Variants in VPS45 observed in about 807,000 individuals in gnomAD.
The protein encoded by VPS45 is vacuolar protein sorting 45 homolog, also known as vacuolar protein sorting-associated protein 45.
Under a neutral mutation model 75.9 loss-of-function variants are expected in VPS45, and 35 were observed. That is an observed-to-expected ratio of 0.46 (90% CI 0.35 to 0.61). VPS45 has a LOEUF of 0.61. Among genes scored for constraint, VPS45 ranks in the 20% least tolerant of loss-of-function variants. The pLI, the probability that VPS45 is intolerant of heterozygous loss-of-function variation, is 0.00. For missense variants in VPS45, 559 were observed against 685.9 expected, an observed-to-expected ratio of 0.81 and a Z score of 2.07; for synonymous variants, 220 against 238.2, an observed-to-expected ratio of 0.92 and a Z score of 0.70.
At chr1:150,140,492 CATT>C (rs1384271517) in intron 14 of VPS45, among the ~76,000 whole-genome samples, 1 of 148,844 alleles carries the variant, frequency 6.7e-6, no homozygotes, top group Non-Finnish European at 1.5e-5. Flanking sequence ...ATGTGTACAC[CATT>C]ATTATTGTAT....
intron 13 of VPS45, among the ~76,000 whole-genome samples, chr1:150,102,213 G>A (rs1657068377): frequency 1.4e-5 from 2 of 147,104 alleles, no homozygotes; most frequent in Non-Finnish European, 3.0e-5. Flanking sequence ...ACTCCAGCCT[G>A]GGCGACAGAG....
intron 13 of VPS45, among the ~76,000 whole-genome samples, chr1:150,095,349 C>A (rs935222000): frequency 6.6e-6 from 1 of 152,148 alleles, no homozygotes; most frequent in Non-Finnish European, 1.5e-5. Context: ...CACGGTGGCT[C>A]ACGCCTGTAA....
At chr1:150,087,828 G>T (rs781882086) in intron 10 of VPS45, among the ~76,000 whole-genome samples, 1 of 152,082 alleles carries the variant, frequency 6.6e-6, no homozygotes, top group East Asian at 1.9e-4. Flanking sequence ...ATAATTACTC[G>T]CAGTAAGCCT....
At chr1:150,118,926 A>G (rs782050146) in intron 14 of VPS45, among the ~76,000 whole-genome samples, 1 of 152,238 alleles carries the variant, frequency 6.6e-6, no homozygotes, top group Non-Finnish European at 1.5e-5. Flanking sequence ...AAACTTTTGC[A>G]AAGAGGGAGT....
At chr1:150,131,035 T>C (rs2101647715) in intron 14 of VPS45, among the ~76,000 whole-genome samples, 1 of 152,310 alleles carries the variant, frequency 6.6e-6, no homozygotes, top group South Asian at 2.1e-4. Flanking sequence ...CTGGATTCCA[T>C]GCACTGCTGG....
chr1:150,110,829 C>G (rs587715323), intron 14 of VPS45, among the ~76,000 whole-genome samples: 58 of 152,252 alleles, frequency 3.8e-4, no homozygotes, highest in Non-Finnish European at 7.5e-4. Flanking sequence ...TCATAAATCT[C>G]TTTATTAGGT....
chr1:150,106,053 A>G (rs1474376157), intron 13 of VPS45, among the ~76,000 whole-genome samples: 1 of 152,226 alleles, frequency 6.6e-6, no homozygotes, highest in Non-Finnish European at 1.5e-5. Flanking sequence ...GGCCAGCCAT[A>G]TGCAGAAAAA....
chr1:150,076,063 A>AATATATATATATATATAT (rs71825614), intron 3 of VPS45, among the ~76,000 whole-genome samples, 170 bp from the exon 4 acceptor site: 10 of 140,056 alleles, frequency 7.1e-5, no homozygotes, highest in African/African-American at 2.6e-4. Flanking sequence ...GTCCTTTTAA[A>AATATATATATATATATAT]ATATATATAT....
chr1:150,092,553 C>A, intron 12 of VPS45, 144 bp downstream of exon 12: 1 of 624,764 alleles, frequency 1.6e-6, no homozygotes, highest in Non-Finnish European at 2.5e-6. Flanking sequence ...AAACTGGCAT[C>A]CTCTTGAAAG....
chr1:150,090,017 G>A (rs1379310678), intron 10 of VPS45, among the ~76,000 whole-genome samples: 2 of 152,180 alleles, frequency 1.3e-5, no homozygotes, highest in Admixed American at 1.3e-4. Flanking sequence ...ATAGTCCCTA[G>A]TCAGTGTGAA....
rs78510502 is a variant in VPS45 at position 150,138,132 on chromosome 1, G to T, written c.1626-6577G>T. 6.7e-3 allele frequency among the ~76,000 whole-genome samples: 1,024 copies of T among 151,962 alleles called. 18 individuals are homozygous for T. The highest frequency in any genetic ancestry group is 0.024 in the African/African-American group (974 of 41,414). ...TATTCTCCTCAACTACTGCATTCAG[G>T]CCTTCACTCCCATCACTCTAAAATC... On this transcript the variant is annotated intron_variant, in intron 14 of 14. Transcript: ENST00000644510.
intron 10 of VPS45, among the ~76,000 whole-genome samples, chr1:150,083,763 G>A (rs1655856388): frequency 6.6e-6 from 1 of 151,136 alleles, no homozygotes; most frequent in Non-Finnish European, 1.5e-5. Context: ...GCTAGTCCAG[G>A]GTACAAGATG....
At chr1:150,107,320 T>C (rs781925964) in intron 13 of VPS45, among the ~76,000 whole-genome samples, 1 of 152,182 alleles carries the variant, frequency 6.6e-6, no homozygotes, top group Non-Finnish European at 1.5e-5. Context: ...ATGTCCTTTT[T>C]CTCAAACCTA....
At chr1:150,120,928 C>T (rs1463528370) in intron 14 of VPS45, among the ~76,000 whole-genome samples, 3 of 142,424 alleles carry the variant, frequency 2.1e-5, no homozygotes, top group African/African-American at 7.8e-5. Context: ...AGTGCAGTGG[C>T]GCGATCTCGG....
chr1:150,088,405 A>G (rs1221394030), intron 10 of VPS45, among the ~76,000 whole-genome samples: 1 of 136,806 alleles, frequency 7.3e-6, no homozygotes, highest in East Asian at 2.3e-4. Flanking sequence ...AAATGACAGG[A>G]TTTTGTTCTA....
At chr1:150,106,939 C>T (rs1449517276) in intron 13 of VPS45, among the ~76,000 whole-genome samples, 1 of 152,108 alleles carries the variant, frequency 6.6e-6, no homozygotes, top group Non-Finnish European at 1.5e-5. Flanking sequence ...CTCTCAATTC[C>T]CACCTTATTT....
chr1:150,092,205 C>T (rs1231994436), intron 11 of VPS45, 97 bp from the exon 12 acceptor site: 2 of 1,523,294 alleles, frequency 1.3e-6, no homozygotes, highest in Non-Finnish European at 1.8e-6. Context: ...ATGTATAATT[C>T]TGTCTTTTCA....
rs1659594156 is a variant in VPS45 at position 150,144,855 on chromosome 1, A to G, written c.*59A>G. On this transcript the variant is annotated 3_prime_UTR_variant, in exon 15 of 15. Coordinates refer to ENST00000644510, the MANE Select transcript of VPS45 (RefSeq NM_007259.5). ...CTTGTCCCCACTACAGGTTTTCCCT[A>G]CTAAACAAAGGTGTTGGAGAGCAGC... is the stretch of plus-strand genomic sequence containing the variant. 6.2e-7 allele frequency: 1 copy of G among 1,610,848 alleles called. No individual in the cohort carries two copies. The highest frequency in any genetic ancestry group is 8.5e-7 in the Non-Finnish European group (1 of 1,178,864).
intron 3 of VPS45, among the ~76,000 whole-genome samples, 170 bp from the exon 4 acceptor site, chr1:150,076,063 A>AATATATATATATATATATAT (rs71825614): frequency 1.4e-4 from 20 of 140,048 alleles, no homozygotes; most frequent in African/African-American, 4.5e-4. Context: ...GTCCTTTTAA[A>AATATATATATATATATATAT]ATATATATAT....
Sources: allele counts gnomAD v4.1 joint callset (sites outside exome capture counted in the v4.1 genomes callset), GRCh38; gene constraint gnomAD v4.1.1; transcripts MANE v1.5; gene names NCBI Gene and HGNC (gene_info 2026-07-23, HGNC 2026-07-21).